The following DHX32 variants were observed in gnomAD, a reference collection of about 807,000 sequenced individuals.
DHX32 encodes DEAH-box helicase 32 (putative), also known as putative pre-mRNA-splicing factor ATP-dependent RNA helicase DHX32.
DHX32 carries 51 observed loss-of-function variants against 70.0 expected under a neutral mutation model. The observed-to-expected ratio is 0.73, with a 90% CI of 0.58 to 0.92. The LOEUF (loss-of-function observed/expected upper bound fraction) is 0.92, where lower values mean the gene tolerates loss of function less well. Among genes scored for constraint, DHX32 ranks in the 40% least tolerant of loss-of-function variants. The pLI is 0.00. For missense variants in DHX32, 762 were observed against 891.8 expected, an observed-to-expected ratio of 0.85 and a Z score of 1.85; for synonymous variants, 310 against 315.3, an observed-to-expected ratio of 0.98 and a Z score of 0.18.
intron 2 of DHX32, among the ~76,000 whole-genome samples, chr10:125,863,111 A>AT (rs1944199825): frequency 6.6e-6 from 1 of 151,484 alleles, no homozygotes; most frequent in African/African-American, 2.4e-5. Flanking sequence ...AAATTATATA[A>AT]TTGAGTTTAA....
chr10:125,855,709 C>G (rs1944141908), intron 3 of DHX32, among the ~76,000 whole-genome samples: 1 of 152,174 alleles, frequency 6.6e-6, no homozygotes, highest in African/African-American at 2.4e-5. Flanking sequence ...CTTGGCCTCC[C>G]AAAGTGCTGG....
Position 125,836,706 on chromosome 10 carries a change from T to C in DHX32, c.2213A>G (p.Gln738Arg), listed in dbSNP as rs1854697296. 1.2e-6 allele frequency: 2 copies of C among 1,614,080 alleles called. No individual in the cohort carries two copies. Among genetic ancestry groups the C allele is most frequent in the African/African-American group, 2.7e-5 (2 of 74,932 alleles). ...GGGGAGTCACTGGAGAGTGCATCTC[T>C]GTTCAGTTTCAGGGCACGTCTCACA... is the stretch of plus-strand genomic sequence containing the variant. ...QMCETCPETE[Q>R]RCTLQ is the part of the protein sequence containing the mutation. The change falls in exon 11 of 11, where the codon CAG becomes CGG. Residue 738 changes from glutamine to arginine, a missense_variant. This residue lies in a region of DHX32 where 366 missense variants were observed against 402.6 expected (regional missense o/e 0.91). Coordinates refer to ENST00000284690, the MANE Select transcript of DHX32 (RefSeq NM_018180.3).
At chr10:125,845,019 T>G (rs140124498) in intron 6 of DHX32, among the ~76,000 whole-genome samples, 2 of 152,320 alleles carry the variant, frequency 1.3e-5, no homozygotes, top group East Asian at 3.9e-4. Flanking sequence ...TGTGCCTGCA[T>G]TTTCCTTCCT....
intron 6 of DHX32, among the ~76,000 whole-genome samples, chr10:125,844,051 G>A (rs1844021553): frequency 6.6e-6 from 1 of 152,154 alleles, no homozygotes; most frequent in Non-Finnish European, 1.5e-5. Flanking sequence ...CAGCATTACC[G>A]TCTTACTTGT....
intron 6 of DHX32, among the ~76,000 whole-genome samples, chr10:125,843,110 A>G (rs2134030029): frequency 6.6e-6 from 1 of 152,202 alleles, no homozygotes; most frequent in Middle Eastern, 3.4e-3. Context: ...AGCAAATCCC[A>G]TAATAGAAAG....
At chr10:125,867,644 G>A (rs975297527) in intron 1 of DHX32, among the ~76,000 whole-genome samples, 1 of 151,488 alleles carries the variant, frequency 6.6e-6, no homozygotes, top group Non-Finnish European at 1.5e-5. Flanking sequence ...GCTGAGGCAG[G>A]AGAATGGCGT....
intron 7 of DHX32, 57 bp downstream of exon 7, chr10:125,841,686 A>G: frequency 1.3e-6 from 2 of 1,577,028 alleles, no homozygotes; most frequent in Non-Finnish European, 1.7e-6. Flanking sequence ...GATCCGATCT[A>G]AATCTATACC....
intron 3 of DHX32, 173 bp from the exon 4 acceptor site, chr10:125,854,376 G>GA (rs1486305309): frequency 2.0e-6 from 1 of 492,474 alleles, no homozygotes; most frequent in Non-Finnish European, 3.3e-6. Context: ...ACCTAAATGA[G>GA]AAAACGTCTT....
At chr10:125,840,761 ATGTT>A (rs1854854856) in intron 8 of DHX32, 82 bp downstream of exon 8, 2 of 1,421,944 alleles carry the variant, frequency 1.4e-6, no homozygotes, top group Non-Finnish European at 1.9e-6. Flanking sequence ...CTGGCGAAGA[ATGTT>A]TGATGAATAA....
chr10:125,891,797 C>A (rs1345189913), intron 1 of DHX32, among the ~76,000 whole-genome samples: 1 of 152,296 alleles, frequency 6.6e-6, no homozygotes, highest in African/African-American at 2.4e-5. Context: ...CCCAGATTTT[C>A]AGCTCCCTTT....
chr10:125,848,180 G>C (rs1944048620), intron 6 of DHX32, among the ~76,000 whole-genome samples: 1 of 152,174 alleles, frequency 6.6e-6, no homozygotes, highest in East Asian at 1.9e-4. Flanking sequence ...GAAGAATGAA[G>C]AGATGGTGTA....
intron 1 of DHX32, among the ~76,000 whole-genome samples, chr10:125,876,881 A>G (rs1944287550): frequency 1.3e-5 from 2 of 152,220 alleles, no homozygotes; most frequent in Non-Finnish European, 2.9e-5. Flanking sequence ...GAAATCAGAT[A>G]ATAATTAGAT....
At position 125,860,794 on chromosome 10, in the gene DHX32, C is replaced by T. The variant is rs377508718; in HGVS notation, c.477-819G>A. ...TTTTTGAGATAGAGTCTCGCTCTGT[C>T]GCCCAGGCTGGAGTGCAGTGGCGCA... On this transcript the variant is annotated intron_variant, in intron 2 of 10. Coordinates refer to ENST00000284690, the MANE Select transcript of DHX32 (RefSeq NM_018180.3). 6.6e-5 allele frequency among the ~76,000 whole-genome samples: 8 copies of T among 121,802 alleles called. No homozygotes were observed. In the East Asian group the frequency reaches 1.5e-3, roughly 22 times the overall value. 79.9% of individuals were successfully genotyped at this position (121,802 alleles called of 152,430 possible).
Position 125,840,866 on chromosome 10 carries a change from A to G in DHX32, c.1674T>C (p.Thr558=). 1 of 1,597,142 alleles carries G rather than the reference A, an allele frequency of 6.3e-7. No individual in the cohort carries two copies. Among genetic ancestry groups the G allele is most frequent in the Non-Finnish European group, 8.5e-7 (1 of 1,169,730 alleles). Reference sequence around the variant, plus strand: ...ACTTACACTCACTGCTAGAATTCAGAGTTGTGTCTTGGTAAGCCTTGTAAA... The same window carrying G: ...ACTTACACTCACTGCTAGAATTCAGGGTTGTGTCTTGGTAAGCCTTGTAAA... ...ISIYKAYQDT[T]LNSSSEYCVE... Residue 558 remains threonine, a synonymous_variant, in exon 8 of 11, where the codon ACT becomes ACC. Coordinates refer to ENST00000284690, the MANE Select transcript of DHX32 (RefSeq NM_018180.3).
At chr10:125,852,778 A>G (rs1275825518) in intron 4 of DHX32, 136 bp from the exon 5 acceptor site, 1 of 777,682 alleles carries the variant, frequency 1.3e-6, no homozygotes, top group Non-Finnish European at 2.0e-6. Context: ...TTTGCACGAT[A>G]TTTATTATTG....
rs139833613 is a variant in DHX32, at chr10:125,863,076, G to C, written c.477-3101C>G. On this transcript the variant is annotated intron_variant, in intron 2 of 10. Transcript: ENST00000284690. Reference sequence around the variant, plus strand: ...AAAGCTAAGACTATAATAAAATAAAGTTTTATTAATATTTATATTTTATAA... The same window carrying C: ...AAAGCTAAGACTATAATAAAATAAACTTTTATTAATATTTATATTTTATAA... Among the ~76,000 whole-genome samples the C allele has an allele frequency of 2.6e-3, 388 of 151,108 alleles. 1 individual carries two copies. The highest frequency in any genetic ancestry group is 9.0e-3 in the African/African-American group (373 of 41,334).
Position 125,843,955 on chromosome 10 carries a change from C to A in DHX32, c.1352-2021G>T, listed in dbSNP as rs530012711. Among the ~76,000 whole-genome samples the A allele has an allele frequency of 2.6e-5, 4 of 152,276 alleles. No homozygotes were observed. In the South Asian group the frequency reaches 8.3e-4, roughly 32 times the overall value. ...GGCAAATATGTTGAATTTCCCTATT[C>A]TGAATGTTTTCCCATCAAGATTTAA... On this transcript the variant is annotated intron_variant, in intron 6 of 10. Transcript: ENST00000284690.
Position 125,836,746 on chromosome 10 carries a change from T to A in DHX32, c.2173A>T (p.Lys725Ter). The A allele has an allele frequency of 6.2e-7, 1 of 1,614,198 alleles. No individual in the cohort carries two copies. The highest frequency in any genetic ancestry group is 8.5e-7 in the Non-Finnish European group (1 of 1,180,040). ...DHLSPVSTMN[K>*]EQQMCETCPE... is the part of the protein sequence containing the mutation. ...CACGTCTCACACATTTGCTGTTCCTTATTCATTGTTGACACAGGGGATAGG... is the reference window on the plus strand; with the variant it reads ...CACGTCTCACACATTTGCTGTTCCTAATTCATTGTTGACACAGGGGATAGG... Residue 725 changes from lysine (K) to a stop codon, truncating the protein, a stop_gained, in exon 11 of 11, where the codon AAG (lysine) becomes TAG (stop). Coordinates refer to ENST00000284690, the MANE Select transcript of DHX32 (RefSeq NM_018180.3). LOFTEE classifies it high-confidence loss of function.
chr10:125,876,167 T>G (rs998858094), intron 1 of DHX32, among the ~76,000 whole-genome samples: 3 of 152,198 alleles, frequency 2.0e-5, no homozygotes, highest in Non-Finnish European at 2.9e-5. Flanking sequence ...ACCTCTGTGA[T>G]TGCATCCTCA....
Sources: gnomAD v4.1 joint callset for allele counts (sites outside exome capture counted in the v4.1 genomes callset) on GRCh38, gnomAD v4.1.1 for gene constraint, gnomAD v4.1.1 regional missense constraint, MANE v1.5 for transcripts, NCBI Gene and HGNC (gene_info 2026-07-23, HGNC 2026-07-21) for gene names.